The following USH2A variants were observed in gnomAD, a reference collection of about 807,000 sequenced individuals.
USH2A encodes usherin, also known as Usher syndrome 2A (autosomal recessive, mild).
USH2A carries 443 observed loss-of-function variants against 538.9 expected under a neutral mutation model. That is an observed-to-expected ratio of 0.82 (90% CI 0.76 to 0.89). The LOEUF is 0.89. Ranked by LOEUF, USH2A falls within the 40% of genes least tolerant of loss-of-function variation. The pLI, the probability that USH2A is intolerant of heterozygous loss-of-function variation, is 0.00. For synonymous variants in USH2A, 2,413 were observed against 2,273.5 expected, an observed-to-expected ratio of 1.06 and a Z score of -1.75; for missense variants, 6,633 against 6,324.8, an observed-to-expected ratio of 1.05 and a Z score of -1.65.
intron 21 of USH2A, among the ~76,000 whole-genome samples, chr1:216,146,538 C>T (rs1193949246): frequency 6.6e-6 from 1 of 151,998 alleles, no homozygotes; most frequent in East Asian, 1.9e-4. Flanking sequence ...GGGGCAAGTA[C>T]CCCTCAACCC....
At chr1:216,348,341 C>T (rs2038218061) in intron 4 of USH2A, among the ~76,000 whole-genome samples, 1 of 152,086 alleles carries the variant, frequency 6.6e-6, no homozygotes, top group African/African-American at 2.4e-5. Context: ...CCAATAAAAA[C>T]CCCTTGGGAA....
At chr1:215,731,744 G>C (rs553568982) in intron 60 of USH2A, among the ~76,000 whole-genome samples, 1 of 152,034 alleles carries the variant, frequency 6.6e-6, no homozygotes, top group East Asian at 1.9e-4. Context: ...ATTTTCAAAA[G>C]CAATTAAAAC....
chr1:215,674,044 G>C (rs962568898), intron 63 of USH2A, 56 bp downstream of exon 63: 233 of 1,613,008 alleles, frequency 1.4e-4, no homozygotes, highest in Non-Finnish European at 1.9e-4. Context: ...AAGGGCTCAG[G>C]CAATAGAAAG....
chr1:215,756,195 T>C (rs1036958301), intron 58 of USH2A, among the ~76,000 whole-genome samples: 11 of 152,168 alleles, frequency 7.2e-5, no homozygotes, highest in Non-Finnish European at 1.5e-4. Flanking sequence ...TTATCTCCAC[T>C]TCACAGATGG....
Position 215,725,299 on chromosome 1 carries a change from C to T in USH2A, c.12066+2731G>A, listed in dbSNP as rs548775950. Among the ~76,000 whole-genome samples, 9 of 152,332 alleles carry T rather than the reference C, an allele frequency of 5.9e-5. No homozygotes were observed. In the South Asian group the frequency reaches 8.3e-4, roughly 14 times the overall value. ...CTGGGATCACAGGCATGAGCCACTGCGTCTGGCCTAGATATCTTTTAAACA... is the reference window on the plus strand; with the variant it reads ...CTGGGATCACAGGCATGAGCCACTGTGTCTGGCCTAGATATCTTTTAAACA... On this transcript the variant is annotated intron_variant, in intron 61 of 71. Transcript: ENST00000307340.
At chr1:215,780,940 T>A (rs1048046630) in intron 54 of USH2A, among the ~76,000 whole-genome samples, 1 of 152,376 alleles carries the variant, frequency 6.6e-6, no homozygotes, top group Non-Finnish European at 1.5e-5. Flanking sequence ...GTTTTAAGCA[T>A]ATGAAAAGAA....
intron 4 of USH2A, among the ~76,000 whole-genome samples, chr1:216,359,803 C>G (rs1006062590): frequency 6.6e-6 from 1 of 151,954 alleles, no homozygotes; most frequent in Non-Finnish European, 1.5e-5. Flanking sequence ...AATATAAAAA[C>G]TGATTAGATT....
chr1:216,242,267 GA>G (rs2035953617), intron 13 of USH2A, among the ~76,000 whole-genome samples: 1 of 151,028 alleles, frequency 6.6e-6, no homozygotes, highest in Non-Finnish European at 1.5e-5. Context: ...AGAATGACAT[GA>G]ACCTGGGAGG....
chr1:215,679,592 C>A (rs1658155997), intron 62 of USH2A, among the ~76,000 whole-genome samples: 1 of 152,214 alleles, frequency 6.6e-6, no homozygotes, highest in Non-Finnish European at 1.5e-5. Flanking sequence ...TCCCCCTGTA[C>A]TCATGGGCTG....
chr1:216,213,359 A>G (rs1300754696), intron 15 of USH2A, among the ~76,000 whole-genome samples: 1 of 152,024 alleles, frequency 6.6e-6, no homozygotes, highest in Non-Finnish European at 1.5e-5. Flanking sequence ...TCTGGCTAAT[A>G]TGTGGGCATT....
chr1:216,263,117 A>G (rs1260772424), intron 11 of USH2A, among the ~76,000 whole-genome samples: 1 of 152,166 alleles, frequency 6.6e-6, no homozygotes, highest in African/African-American at 2.4e-5. Flanking sequence ...ACAAGTAATG[A>G]GATTGATTCA....
chr1:215,744,455 T>A (rs1290940917), intron 58 of USH2A, among the ~76,000 whole-genome samples: 7 of 152,228 alleles, frequency 4.6e-5, no homozygotes, highest in African/African-American at 1.4e-4. Context: ...AAGAATATAA[T>A]GGCATTTTCT....
rs566595974 is a variant in USH2A at position 216,050,912 on chromosome 1, G to A, written c.6050-2265C>T. Among the ~76,000 whole-genome samples the A allele has an allele frequency of 1.9e-4, 29 of 151,814 alleles. 2 individuals carry two copies. The South Asian group carries it at 4.4e-3, about 23-fold the overall frequency. On this transcript the variant is annotated intron_variant, in intron 30 of 71. Transcript: ENST00000307340. ...GAGCCACTGTGCCCGGCCGGCCGAC[G>A]CTTTGTATCTTTTAAAGATCAGCAG...
chr1:216,091,413 G>C (rs1274335566), intron 22 of USH2A, among the ~76,000 whole-genome samples: 1 of 152,162 alleles, frequency 6.6e-6, no homozygotes, highest in Admixed American at 6.6e-5. Flanking sequence ...ATTTAATTAA[G>C]TGAAGAATGG....
intron 11 of USH2A, among the ~76,000 whole-genome samples, chr1:216,287,874 A>T (rs867289957): frequency 9.2e-5 from 14 of 152,196 alleles, no homozygotes; most frequent in African/African-American, 3.4e-4. Flanking sequence ...TAAAATAACA[A>T]TCTAACTATA....
chr1:216,036,347 A>T (rs543650009), intron 32 of USH2A, among the ~76,000 whole-genome samples: 2 of 152,254 alleles, frequency 1.3e-5, no homozygotes, highest in East Asian at 3.9e-4. Context: ...GAAAAGAAAA[A>T]AAAGCAATAC....
At chr1:216,217,120 G>T (rs2035357717) in intron 15 of USH2A, among the ~76,000 whole-genome samples, 1 of 151,900 alleles carries the variant, frequency 6.6e-6, no homozygotes, top group South Asian at 2.1e-4. Flanking sequence ...GGAAAACCTA[G>T]GACTTTAATC....
intron 43 of USH2A, among the ~76,000 whole-genome samples, chr1:215,873,448 C>A (rs1244646159): frequency 6.6e-6 from 1 of 152,126 alleles, no homozygotes; most frequent in Non-Finnish European, 1.5e-5. Context: ...CTGACCCAGT[C>A]TTTCATACTA....
intron 50 of USH2A, among the ~76,000 whole-genome samples, chr1:215,792,968 T>A (rs965294437): frequency 3.3e-5 from 5 of 152,210 alleles, no homozygotes; most frequent in African/African-American, 7.2e-5. Flanking sequence ...CACATTAAAC[T>A]AGTAGGTGTT....
Sources: allele counts gnomAD v4.1 joint callset (sites outside exome capture counted in the v4.1 genomes callset), GRCh38; gene constraint gnomAD v4.1.1; transcripts MANE v1.5; gene names NCBI Gene and HGNC (gene_info 2026-07-23, HGNC 2026-07-21).